Variants in GAREM2 observed in about 807,000 individuals in gnomAD.
The protein encoded by GAREM2 is GRB2 associated regulator of MAPK1 subtype 2, also known as GRB2-associated and regulator of MAPK protein 2.
In GAREM2, 30 loss-of-function variants were observed where a neutral mutation model predicts 55.6. The observed-to-expected ratio is 0.54, with a 90% confidence interval of 0.40 to 0.73. The LOEUF (loss-of-function observed/expected upper bound fraction) is 0.73, where lower values mean the gene tolerates loss of function less well. Among genes scored for constraint, GAREM2 ranks in the 30% least tolerant of loss-of-function variants. The pLI is 0.00. For synonymous variants in GAREM2, 550 were observed against 569.1 expected (o/e 0.97, Z 0.48); for missense variants, 1,075 against 1,257.7 (o/e 0.85, Z 2.20).
At chr2:26,197,730 T>G in the GAREM2 span, 17 of 1,563,680 alleles carry the variant, frequency 1.1e-5, no homozygotes, top group Non-Finnish European at 1.5e-5. Flanking sequence ...TTTCACTGAT[T>G]GGGAGAGCAG....
At position 26,184,227 on chromosome 2, in the gene GAREM2, C is replaced by A. The variant is rs1383108008; in HGVS notation, c.385-6C>A. On this transcript the variant is annotated splice_region_variant and splice_polypyrimidine_tract_variant and intron_variant, in intron 3 of 5. Coordinates refer to ENST00000401533, the MANE Select transcript of GAREM2 (RefSeq NM_001168241.2). ...TAAGGCCCTGCCCTGTCTCTGGGAT[C>A]CCCAGGTGGTGTCGGGCGAGTTCAG... 6.5e-7 allele frequency: 1 copy of A among 1,549,394 alleles called. No homozygotes were observed. Among genetic ancestry groups the A allele is most frequent in the Non-Finnish European group, 8.7e-7 (1 of 1,145,686 alleles).
rs1574595948 is a variant in GAREM2 at position 26,187,477 on chromosome 2, C to T, written c.1845C>T (p.Phe615=). 2 of 1,547,808 alleles carry T rather than the reference C, an allele frequency of 1.3e-6. No individual in the cohort carries two copies. Among genetic ancestry groups the T allele is most frequent in the Non-Finnish European group, 1.7e-6 (2 of 1,145,270 alleles). The change falls in exon 6 of 6, where the codon TTC becomes TTT. Residue 615 remains phenylalanine (F), a synonymous_variant. Transcript: ENST00000401533. ...CCTACCACAGCTGCCCTCCTCTATT[C>T]AAGCCCTCACATCCCCAGAAGCGCT... The part of the protein sequence containing the change: ...VKTYHSCPPL[F]KPSHPQKRFA...
Position 26,173,117 on chromosome 2 carries a change from C to T in GAREM2, c.-104C>T. ...GCGGCCCGGCGGGGCTGCCAGGCGG[C>T]GAGCGCCGCGGCGGCCCCGGGAGGT... On this transcript the variant is annotated 5_prime_UTR_variant, in exon 1 of 6. Transcript: ENST00000401533. 5.2e-6 allele frequency: 1 copy of T among 191,502 alleles called. No individual in the cohort carries two copies. Among genetic ancestry groups the T allele is most frequent in the Non-Finnish European group, 9.2e-6 (1 of 108,484 alleles). The allele number at this position is 191,502 out of a possible 1,614,324, so 11.9% of individuals were successfully genotyped here. A position where few individuals can be genotyped will look rare whatever the true frequency, so the allele number is the denominator to read the frequency against.
At chr2:26,201,156 A>C in the GAREM2 span, 1 of 1,611,632 alleles carries the variant, frequency 6.2e-7, no homozygotes, top group Non-Finnish European at 8.5e-7. Context: ...TACCGCTTCT[A>C]CTTCCTTTAG....
intron 2 of GAREM2, chr2:26,181,007 C>A (rs1339220013): frequency 1.4e-5 from 14 of 985,448 alleles, no homozygotes; most frequent in Non-Finnish European, 1.7e-5. Context: ...GTCACCCAAG[C>A]CTGCTGGGTC....
At chr2:26,181,228 TC>T (rs1455133713) in intron 2 of GAREM2, 2 of 772,864 alleles carry the variant, frequency 2.6e-6, no homozygotes, top group African/African-American at 3.8e-5. Context: ...GCCTTTCAAA[TC>T]CCAGTTGCTG....
chr2:26,198,896 CT>C, the GAREM2 span, among the ~76,000 whole-genome samples: 402 of 141,240 alleles, frequency 2.8e-3, no homozygotes, highest in Middle Eastern at 0.011. Context: ...CAAAACATAA[CT>C]TTTTTTTTTT....
chr2:26,191,718 G>A, downstream of GAREM2: 1 of 1,321,396 alleles, frequency 7.6e-7, no homozygotes, highest in Non-Finnish European at 1.1e-6. Context: ...CGGGATGGGT[G>A]CATGGGGAGC....
intron 2 of GAREM2, among the ~76,000 whole-genome samples, chr2:26,178,129 C>T (rs953325567): frequency 6.6e-6 from 1 of 152,166 alleles, no homozygotes; most frequent in Admixed American, 6.5e-5. Flanking sequence ...CTCCACCCCC[C>T]AAACCCTTAA....
downstream of GAREM2, chr2:26,192,290 A>T: frequency 8.3e-7 from 1 of 1,207,908 alleles, no homozygotes; most frequent in Non-Finnish European, 1.2e-6. Flanking sequence ...TCCAGGCATT[A>T]GCCACTCAAA....
At chr2:26,177,797 T>C (rs2147722862) in intron 2 of GAREM2, among the ~76,000 whole-genome samples, 1 of 152,218 alleles carries the variant, frequency 6.6e-6, no homozygotes, top group Non-Finnish European at 1.5e-5. Context: ...CTGCTAATTT[T>C]TGTATTTTTA....
the GAREM2 span, among the ~76,000 whole-genome samples, chr2:26,197,940 G>C: frequency 0.82 from 125,161 of 152,220 alleles, 51,823 homozygotes; most frequent in African/African-American, 0.93. Context: ...CACCTAGGGG[G>C]TTTTGTGTCG....
At chr2:26,191,408 A>T (rs748999839), downstream of GAREM2, 1 of 1,614,182 alleles carries the variant, frequency 6.2e-7, no homozygotes, top group Non-Finnish European at 8.5e-7. Flanking sequence ...GAATAGAGAA[A>T]GAGGACTTCG....
intron 5 of GAREM2, among the ~76,000 whole-genome samples, chr2:26,186,936 C>T (rs894352706): frequency 1.3e-5 from 2 of 152,314 alleles, no homozygotes; most frequent in Admixed American, 6.5e-5. Context: ...GATTGCACCA[C>T]TGCACTCCAG....
intron 3 of GAREM2, 61 bp from the exon 4 acceptor site, chr2:26,184,172 C>T: frequency 7.2e-6 from 11 of 1,534,926 alleles, no homozygotes; most frequent in Non-Finnish European, 9.7e-6. Context: ...TCTCTGGGAG[C>T]TGGCCGTGTG....
At chr2:26,201,133 A>C in the GAREM2 span, 1 of 1,595,104 alleles carries the variant, frequency 6.3e-7, no homozygotes, top group Non-Finnish European at 8.6e-7. Context: ...TTCAAGTACA[A>C]CAGCCCCTTG....
At position 26,182,033 on chromosome 2, in the gene GAREM2, A is replaced by C. The variant is rs1210318191; in HGVS notation, c.254-934A>C. ...TTGTCTTCTCTCGACTTGTTCCCTCACCTATTCATGGCTCTCTTCCTACTG... is the reference window on the plus strand; with the variant it reads ...TTGTCTTCTCTCGACTTGTTCCCTCCCCTATTCATGGCTCTCTTCCTACTG... On this transcript the variant is annotated intron_variant, in intron 2 of 5. Transcript: ENST00000401533. The C allele has an allele frequency of 3.0e-6, 3 of 1,000,466 alleles. No individual in the cohort carries two copies. In the Admixed American group the frequency reaches 1.8e-4, roughly 59 times the overall value. The allele number at this position is 1,000,466 out of a possible 1,614,324, so 62.0% of individuals were successfully genotyped here.
In GAREM2 at chr2:26,185,070, G is replaced by C; in HGVS notation, c.1222G>C (p.Glu408Gln). 20 of 1,339,308 alleles carry C rather than the reference G, an allele frequency of 1.5e-5. No individual in the cohort carries two copies. Among genetic ancestry groups the C allele is most frequent in the Non-Finnish European group, 1.9e-5 (20 of 1,049,018 alleles). The allele number at this position is 1,339,308 out of a possible 1,614,324, so 83.0% of individuals were successfully genotyped here. ...GGCTCCCGCCGGCGAGGGCGACCAGGAGTACGTGAGCCCCGACTGGGCAGC... is the reference window on the plus strand; with the variant it reads ...GGCTCCCGCCGGCGAGGGCGACCAGCAGTACGTGAGCCCCGACTGGGCAGC... ...APAPAGEGDQ[E>Q]YVSPDWAAAP... The change falls in exon 4 of 6, where the codon GAG becomes CAG. Residue 408 changes from glutamate to glutamine, a missense_variant. Glu to Gln is a conservative substitution (Grantham distance 29). Around this residue, in one of 6 missense-constraint regions of GAREM2, gnomAD observed 515 missense variants for 501.5 expected, o/e 1.03. Coordinates refer to ENST00000401533, the MANE Select transcript of GAREM2 (RefSeq NM_001168241.2).
rs1192818742 is a variant in GAREM2 at position 26,188,082 on chromosome 2, G to A, written c.2450G>A (p.Ser817Asn). The A allele has an allele frequency of 8.4e-6, 13 of 1,549,470 alleles. No homozygotes were observed. The Admixed American group carries it at 1.4e-4, about 16-fold the overall frequency. Residue 817 changes from serine to asparagine, a missense_variant, in exon 6 of 6, where the codon AGT (serine) becomes AAT (asparagine). Around this residue, in one of 6 missense-constraint regions of GAREM2, gnomAD observed 142 missense variants for 172.3 expected, o/e 0.82. Coordinates refer to ENST00000401533, the MANE Select transcript of GAREM2 (RefSeq NM_001168241.2). ...SALSLEEVSR[S>N]LRFIGLSEDV... ...CTCTCCCTGGAGGAGGTCTCTCGCA[G>A]TCTGCGTTTCATCGGGCTCTCAGAG... is the stretch of plus-strand genomic sequence containing the variant.
Sources: allele counts gnomAD v4.1 joint callset (sites outside exome capture counted in the v4.1 genomes callset), GRCh38; gene constraint gnomAD v4.1.1; regional missense constraint gnomAD v4.1.1; transcripts MANE v1.5; gene names NCBI Gene and HGNC (gene_info 2026-07-23, HGNC 2026-07-21).